The following DUSP16 variants were observed in gnomAD, a reference collection of about 807,000 sequenced individuals.
DUSP16 encodes the protein dual specificity protein phosphatase 16.
A neutral mutation model predicts 58.3 loss-of-function variants in DUSP16; 21 were observed. That is an observed-to-expected ratio of 0.36 (90% CI 0.26 to 0.52). The LOEUF (loss-of-function observed/expected upper bound fraction) is 0.52. Among genes scored for constraint, DUSP16 ranks in the 20% least tolerant of loss-of-function variants. The pLI, the probability that DUSP16 is intolerant of heterozygous loss-of-function variation, is 0.94. For synonymous variants in DUSP16, 320 were observed against 323.8 expected, an observed-to-expected ratio of 0.99 and a Z score of 0.12; for missense variants, 726 against 819.0, an observed-to-expected ratio of 0.89 and a Z score of 1.39.
At chr12:12,513,255 G>A (rs1279142850) in intron 3 of DUSP16, among the ~76,000 whole-genome samples, 1 of 152,190 alleles carries the variant, frequency 6.6e-6, no homozygotes, top group Non-Finnish European at 1.5e-5. Context: ...AAACAGAGTA[G>A]ACTTTTACTT....
rs117942786 is a variant in DUSP16, at chr12:12,509,810, G to A, written c.368-9128C>T. Among the ~76,000 whole-genome samples, 4 of 152,206 alleles carry A rather than the reference G, an allele frequency of 2.6e-5. No individual in the cohort carries two copies. In the East Asian group the frequency reaches 5.8e-4, roughly 22 times the overall value. Reference sequence around the variant, plus strand: ...AAGTCTTGTATATTTTTGGTGTTCCGAAGGATTTCCTGATTCCATTCAAAG... The same window carrying A: ...AAGTCTTGTATATTTTTGGTGTTCCAAAGGATTTCCTGATTCCATTCAAAG... On this transcript the variant is annotated intron_variant, in intron 3 of 6. Transcript: ENST00000298573.
rs1240165892 is a variant in DUSP16 at position 12,496,427 on chromosome 12, A to G, written c.531+4092T>C. Among the ~76,000 whole-genome samples, 4 of 152,324 alleles carry G rather than the reference A, an allele frequency of 2.6e-5. No individual in the cohort carries two copies. In the East Asian group the frequency reaches 5.8e-4, roughly 22 times the overall value. On this transcript the variant is annotated intron_variant, in intron 4 of 6. Transcript: ENST00000298573. ...TGTGTACCAGGCAGAACAATAAGAA[A>G]GCCTAGGAAAACCAATTTTGCATGT...
At position 12,477,552 on chromosome 12, in the gene DUSP16, A is replaced by G. The variant is rs768175453; in HGVS notation, c.1279T>C (p.Leu427=). Residue 427 remains leucine, a synonymous_variant, in exon 7 of 7, where the codon TTG becomes CTG. Coordinates refer to ENST00000298573, the MANE Select transcript of DUSP16 (RefSeq NM_030640.3). The surrounding 1 kb of genome is among the most constrained non-coding windows in gnomAD (Gnocchi z 4.1). The part of the protein sequence containing the change: ...LHGFSSSEDA[L]EYYKPSTTLD... ...GTAGTGGAAGGTTTGTAGTATTCCA[A>G]AGCATCTTCTGATGAGGAGAAGCCA... 18 of 1,612,006 alleles carry G rather than the reference A, an allele frequency of 1.1e-5. No individual in the cohort carries two copies. In the South Asian group the frequency reaches 1.9e-4, roughly 17 times the overall value.
chr12:12,515,909 GA>G (rs1944143999), intron 3 of DUSP16, among the ~76,000 whole-genome samples: 2 of 151,946 alleles, frequency 1.3e-5, no homozygotes, highest in African/African-American at 4.8e-5. Flanking sequence ...CTGAGTAGCT[GA>G]GACTACAGGC....
intron 4 of DUSP16, among the ~76,000 whole-genome samples, chr12:12,487,955 C>G (rs1162317341): frequency 6.6e-6 from 1 of 152,100 alleles, no homozygotes; most frequent in Non-Finnish European, 1.5e-5. Flanking sequence ...CATTGATCCT[C>G]TCTCCTCTCT....
intron 3 of DUSP16, among the ~76,000 whole-genome samples, chr12:12,505,431 C>T (rs562784631): frequency 7.2e-5 from 11 of 152,330 alleles, no homozygotes; most frequent in African/African-American, 2.6e-4. Context: ...AAAGGAGAAT[C>T]TCTTTAAAGG....
Position 12,519,922 on chromosome 12 carries a change from AAC to A in DUSP16, c.305_306del (p.Cys102PhefsTer8). On this transcript the variant is annotated frameshift_variant, in exon 3 of 7. Transcript: ENST00000298573. LOFTEE classifies it high-confidence loss of function. ...SQDVASLSSDCFLTVLLGKLE... is the reference protein window; with the variant it reads ...SQDVASLSSDXFLTVLLGKLE... ...AGTTTACCCAGAAGTACAGTGAGAA[AAC>A]AGTCTGAAGAGAGAGAGGCAACATC... 1 of 1,614,126 alleles carries A rather than the reference AAC, an allele frequency of 6.2e-7. No homozygotes were observed. The highest frequency in any genetic ancestry group is 1.6e-4 in the Middle Eastern group (1 of 6,062).
chr12:12,562,474 G>A lies in DUSP16; in HGVS notation c.-723C>T, dbSNP rs1402263678. 3.4e-5 allele frequency: 5 copies of A among 148,616 alleles called. No homozygotes were observed. Among genetic ancestry groups the A allele is most frequent in the Admixed American group, 2.7e-4 (4 of 14,776 alleles). 9.2% of individuals were successfully genotyped at this position (148,616 alleles called of 1,614,324 possible). ...TGGGGGGCCGCGTTGTGAAAGTGGG[G>A]GTTGGGGGGGAGAGAGAGGTGGTAA... On this transcript the variant is annotated 5_prime_UTR_variant, in exon 1 of 7. Coordinates refer to ENST00000298573, the MANE Select transcript of DUSP16 (RefSeq NM_030640.3).
intron 1 of DUSP16, among the ~76,000 whole-genome samples, chr12:12,528,140 G>C (rs191628518): frequency 6.6e-6 from 1 of 151,996 alleles, no homozygotes; most frequent in African/African-American, 2.4e-5. Context: ...CCCCTTCCCT[G>C]ACCCACCTGA....
Position 12,480,916 on chromosome 12 carries a change from A to C in DUSP16, c.692-570T>G, listed in dbSNP as rs115445419. On this transcript the variant is annotated intron_variant, in intron 5 of 6. Transcript: ENST00000298573. Reference sequence around the variant, plus strand: ...CTATTTTTAGTGGAGTTGCGGTTTCACCATGTTGGGCAGGCTGGTCTCTAA... The same window carrying C: ...CTATTTTTAGTGGAGTTGCGGTTTCCCCATGTTGGGCAGGCTGGTCTCTAA... Among the ~76,000 whole-genome samples, 941 of 152,080 alleles carry C rather than the reference A, an allele frequency of 6.2e-3. 9 individuals are homozygous for C. The highest frequency in any genetic ancestry group is 0.021 in the African/African-American group (885 of 41,492).
intron 3 of DUSP16, among the ~76,000 whole-genome samples, chr12:12,506,698 C>G (rs1224606460): frequency 6.6e-6 from 1 of 152,222 alleles, no homozygotes; most frequent in Non-Finnish European, 1.5e-5. Context: ...AAATACACAG[C>G]TATTTCCAGC....
intron 1 of DUSP16, among the ~76,000 whole-genome samples, chr12:12,544,385 AG>A (rs1300539951): frequency 6.6e-6 from 1 of 152,168 alleles, no homozygotes; most frequent in African/African-American, 2.4e-5. Flanking sequence ...GGTTGTTTCC[AG>A]CTTGGAGTTA....
At chr12:12,520,736 C>G in intron 2 of DUSP16, 135 bp downstream of exon 2, 1 of 922,574 alleles carries the variant, frequency 1.1e-6, no homozygotes, top group Non-Finnish European at 1.6e-6. Context: ...TGAGGTACCA[C>G]AAGGCACCAA....
rs56941943 is a variant in DUSP16, at chr12:12,486,481, A to AGTGTGT, written c.691+541_691+546dup. 7.1e-3 allele frequency among the ~76,000 whole-genome samples: 1,049 copies of AGTGTGT among 147,354 alleles called. 6 individuals are homozygous for AGTGTGT. Among genetic ancestry groups the AGTGTGT allele is most frequent in the African/African-American group, 0.014 (574 of 39,730 alleles). On this transcript the variant is annotated intron_variant, in intron 5 of 6. Transcript: ENST00000298573. Reference sequence around the variant, plus strand: ...ATTGCCAGGAAAATAACCAAATGAGAGTGTGTGTGTGTGTGTGTGTGTGTG... The same window carrying AGTGTGT: ...ATTGCCAGGAAAATAACCAAATGAGAGTGTGTGTGTGTGTGTGTGTGTGTGTGTGTG...
intron 5 of DUSP16, among the ~76,000 whole-genome samples, chr12:12,485,845 G>C (rs1273533206): frequency 3.7e-5 from 5 of 134,372 alleles, no homozygotes; most frequent in Admixed American, 2.4e-4. Flanking sequence ...CTAGGCTGGA[G>C]TGCAATGGTG....
Position 12,521,421 on chromosome 12 carries a change from C to G in DUSP16, c.-323G>C, listed in dbSNP as rs1204365337. 2 of 1,190,084 alleles carry G rather than the reference C, an allele frequency of 1.7e-6. No homozygotes were observed. Among genetic ancestry groups the G allele is most frequent in the African/African-American group, 3.1e-5 (2 of 64,254 alleles). The allele number at this position is 1,190,084 out of a possible 1,614,324, so 73.7% of individuals were successfully genotyped here. A position where few individuals can be genotyped will look rare whatever the true frequency, so the allele number is the denominator to read the frequency against. ...AGCCAGCGCATTACATCATTCTTTA[C>G]CTTTGCTCCCGCGCTCCAACAGCTT... On this transcript the variant is annotated 5_prime_UTR_variant, in exon 2 of 7. Coordinates refer to ENST00000298573, the MANE Select transcript of DUSP16 (RefSeq NM_030640.3).
chr12:12,520,607 T>C lies in DUSP16; in HGVS notation c.228+264A>G, dbSNP rs184292851. Among the ~76,000 whole-genome samples, 31 of 152,336 alleles carry C rather than the reference T, an allele frequency of 2.0e-4. No individual in the cohort carries two copies. The East Asian group carries it at 4.6e-3, about 23-fold the overall frequency. On this transcript the variant is annotated intron_variant, in intron 2 of 6. Transcript: ENST00000298573. ...ATTTGCAGATAATATAGAATAGTGTTTAATAAAATCATTTTAGCAAGCCAC... is the reference window on the plus strand; with the variant it reads ...ATTTGCAGATAATATAGAATAGTGTCTAATAAAATCATTTTAGCAAGCCAC...
At chr12:12,509,533 G>C (rs887728193) in intron 3 of DUSP16, among the ~76,000 whole-genome samples, 1 of 151,694 alleles carries the variant, frequency 6.6e-6, no homozygotes, top group Non-Finnish European at 1.5e-5. Flanking sequence ...ACATGGTCCA[G>C]CTTAGAGGCT....
chr12:12,502,158 C>A (rs1369647897), intron 3 of DUSP16, among the ~76,000 whole-genome samples: 2 of 152,160 alleles, frequency 1.3e-5, no homozygotes, highest in East Asian at 1.9e-4. Flanking sequence ...AAGAAACACA[C>A]AAAATATGCC....
Sources: gnomAD v4.1 joint callset for allele counts (sites outside exome capture counted in the v4.1 genomes callset) on GRCh38, gnomAD v4.1.1 for gene constraint, Gnocchi (gnomAD v3.1) non-coding constraint, MANE v1.5 for transcripts, NCBI Gene and HGNC (gene_info 2026-07-23, HGNC 2026-07-21) for gene names.